BPHL: variants seen among roughly 807,000 people sequenced by gnomAD.
BPHL encodes the protein biphenyl hydrolase like.
A neutral mutation model predicts 31.2 loss-of-function variants in BPHL; 27 were observed. The observed-to-expected ratio is 0.87, with a 90% CI of 0.64 to 1.19. The LOEUF is 1.19. Among genes scored for constraint, BPHL ranks in the 50% most tolerant of loss-of-function variants. The pLI is 0.00. For missense variants in BPHL, 356 were observed against 375.7 expected (o/e 0.95, Z 0.43); for synonymous variants, 150 against 146.8 (o/e 1.02, Z -0.16).
At chr6:3,135,160 T>G (rs948400334) in intron 4 of BPHL, among the ~76,000 whole-genome samples, 6 of 152,270 alleles carry the variant, frequency 3.9e-5, no homozygotes, top group African/African-American at 1.4e-4. Flanking sequence ...CTAAAAGCAT[T>G]TATCTTCTCT....
intron 4 of BPHL, among the ~76,000 whole-genome samples, chr6:3,135,803 T>G (rs1483342207): frequency 6.6e-6 from 1 of 152,244 alleles, no homozygotes; most frequent in Non-Finnish European, 1.5e-5. Flanking sequence ...TTACTCACTC[T>G]TAATCTGAAA....
Position 3,123,766 on chromosome 6 carries a change from G to A in BPHL, c.211+6G>A, listed in dbSNP as rs148330342. 6.2e-7 allele frequency: 1 copy of A among 1,605,572 alleles called. No individual in the cohort carries two copies. Among genetic ancestry groups the A allele is most frequent in the East Asian group, 2.2e-5 (1 of 44,624 alleles). On this transcript the variant is annotated splice_donor_region_variant and intron_variant, in intron 2 of 6. Coordinates refer to ENST00000380379, the MANE Select transcript of BPHL (RefSeq NM_004332.4). The stretch of plus-strand genomic sequence containing the variant: ...GCTACTTCCTGGGATGTTAGGTCTG[G>A]GTACTTTTTAATGGAATGTTTTTGC...
intron 6 of BPHL, among the ~76,000 whole-genome samples, chr6:3,151,518 G>GC (rs1762523269): frequency 6.6e-6 from 1 of 152,084 alleles, no homozygotes; most frequent in Non-Finnish European, 1.5e-5. Context: ...ACAGCTCCCT[G>GC]CCCCACAGTT....
chr6:3,125,428 C>T (rs992302486), intron 2 of BPHL, among the ~76,000 whole-genome samples: 3 of 152,118 alleles, frequency 2.0e-5, no homozygotes, highest in African/African-American at 7.2e-5. Flanking sequence ...CTCTCCTGTC[C>T]TATCCTCAGC....
chr6:3,144,328 A>C (rs551824235), intron 6 of BPHL, among the ~76,000 whole-genome samples: 20 of 150,872 alleles, frequency 1.3e-4, no homozygotes, highest in Admixed American at 2.6e-4. Flanking sequence ...CGGCCTCCCA[A>C]AGTGCTGGGA....
chr6:3,123,886 A>G (rs368854901), intron 2 of BPHL, 126 bp downstream of exon 2: 2 of 781,540 alleles, frequency 2.6e-6, no homozygotes, highest in African/African-American at 1.8e-5. Context: ...ATTTGCTACA[A>G]TCAAACTTAA....
chr6:3,133,372 C>G (rs1761927053), intron 4 of BPHL, among the ~76,000 whole-genome samples: 1 of 152,206 alleles, frequency 6.6e-6, no homozygotes, highest in Non-Finnish European at 1.5e-5. Context: ...TGCCTCCTAC[C>G]AGTCTGCCTT....
chr6:3,145,306 CG>C (rs1353519699), intron 6 of BPHL, among the ~76,000 whole-genome samples: 1 of 27,230 alleles, frequency 3.7e-5, no homozygotes, highest in Admixed American at 3.2e-4. Flanking sequence ...AGTGCTGGTT[CG>C]GGGTGGAGTG....
chr6:3,150,034 G>A (rs537169053), intron 6 of BPHL: 2 of 152,328 alleles, frequency 1.3e-5, no homozygotes, highest in Admixed American at 6.5e-5. Context: ...TTTGGATGGC[G>A]TCAGAAGGAA....
chr6:3,144,890 C>T (rs1051903831), intron 6 of BPHL, among the ~76,000 whole-genome samples: 8 of 152,206 alleles, frequency 5.3e-5, no homozygotes, highest in South Asian at 2.1e-4. Flanking sequence ...GGACCAGCCG[C>T]GTATTCTGAG....
chr6:3,131,188 G>A (rs1446163947), intron 4 of BPHL, among the ~76,000 whole-genome samples: 1 of 152,024 alleles, frequency 6.6e-6, no homozygotes, highest in African/African-American at 2.4e-5. Flanking sequence ...TGCATTCCCT[G>A]CTTCTAGGGA....
At chr6:3,123,842 G>T (rs2113746358) in intron 2 of BPHL, 82 bp downstream of exon 2, 1 of 1,113,482 alleles carries the variant, frequency 9.0e-7, no homozygotes, top group Non-Finnish European at 1.3e-6. Context: ...AAATACTGAT[G>T]ATTAATTTTA....
intron 2 of BPHL, chr6:3,126,920 CATTT>C: frequency 7.2e-6 from 1 of 138,358 alleles, no homozygotes; most frequent in East Asian, 1.9e-4. Context: ...TGCCCGGCTA[CATTT>C]TTTTTTTTTT....
At position 3,146,743 on chromosome 6, in the gene BPHL, G is replaced by A. The variant is rs865774298; in HGVS notation, c.789-5745G>A. On this transcript the variant is annotated intron_variant, in intron 6 of 6. Transcript: ENST00000380379. Reference sequence around the variant, plus strand: ...TTTGGGTTGAGTGCTGGTTTGGGTCGGAGTGCTGGTTTGGGTCAGAGTGCT... The same window carrying A: ...TTTGGGTTGAGTGCTGGTTTGGGTCAGAGTGCTGGTTTGGGTCAGAGTGCT... Among the ~76,000 whole-genome samples the A allele has an allele frequency of 3.4e-4, 48 of 143,034 alleles. 1 individual carries two copies. The highest frequency in any genetic ancestry group is 1.1e-3 in the African/African-American group (40 of 37,844). 93.8% of individuals were successfully genotyped at this position (143,034 alleles called of 152,430 possible).
chr6:3,120,950 T>C (rs1250313626), intron 1 of BPHL, among the ~76,000 whole-genome samples: 1 of 152,174 alleles, frequency 6.6e-6, no homozygotes, highest in African/African-American at 2.4e-5. Context: ...TAGAGAGGAA[T>C]CATGGCCTCT....
At position 3,137,300 on chromosome 6, in the gene BPHL, A is replaced by G; in HGVS notation, c.533-62A>G. Reference sequence around the variant, plus strand: ...CTCAGAAGTGGCTCTTGCTCAGAATACTTAAAGACAATACTTTAGTATGAA... The same window carrying G: ...CTCAGAAGTGGCTCTTGCTCAGAATGCTTAAAGACAATACTTTAGTATGAA... On this transcript the variant is annotated intron_variant, in intron 4 of 6. Transcript: ENST00000380379. 4 of 1,582,044 alleles carry G rather than the reference A, an allele frequency of 2.5e-6. No homozygotes were observed. In the South Asian group the frequency reaches 4.6e-5, roughly 18 times the overall value.
At chr6:3,144,546 A>T (rs186202923) in intron 6 of BPHL, among the ~76,000 whole-genome samples, 2 of 151,726 alleles carry the variant, frequency 1.3e-5, no homozygotes, top group East Asian at 3.9e-4. Flanking sequence ...CACCACTCCT[A>T]GCTAATTTTT....
chr6:3,128,297 T>C (rs1761772744), intron 3 of BPHL, among the ~76,000 whole-genome samples: 1 of 152,188 alleles, frequency 6.6e-6, no homozygotes, highest in Non-Finnish European at 1.5e-5. Context: ...AGGGAGAATT[T>C]CATACACATT....
chr6:3,144,893 A>G (rs9392464), intron 6 of BPHL, among the ~76,000 whole-genome samples: 117,054 of 152,252 alleles, frequency 0.77, 45,999 homozygotes, highest in African/African-American at 0.92. Context: ...CCAGCCGCGT[A>G]TTCTGAGCCC....
Sources: gnomAD v4.1 joint callset for allele counts (sites outside exome capture counted in the v4.1 genomes callset) on GRCh38, gnomAD v4.1.1 for gene constraint, MANE v1.5 for transcripts, NCBI Gene and HGNC (gene_info 2026-07-23, HGNC 2026-07-21) for gene names.